Variants in C1QTNF7 observed in about 807,000 individuals in gnomAD.
C1QTNF7 encodes complement C1q tumor necrosis factor-related protein 7.
C1QTNF7 carries 15 observed loss-of-function variants against 19.6 expected under a neutral mutation model. That is an observed-to-expected ratio of 0.76 (90% CI 0.51 to 1.18). The LOEUF (loss-of-function observed/expected upper bound fraction) is 1.18. Ranked by LOEUF, C1QTNF7 falls within the 50% of genes most tolerant of loss-of-function variation. The pLI, the probability that C1QTNF7 is intolerant of heterozygous loss-of-function variation, is 0.00. For synonymous variants in C1QTNF7, 142 were observed against 137.5 expected, an observed-to-expected ratio of 1.03 and a Z score of -0.23; for missense variants, 324 against 359.7, an observed-to-expected ratio of 0.90 and a Z score of 0.80.
chr4:15,407,969 T>C (rs1719252865), intron 1 of C1QTNF7, among the ~76,000 whole-genome samples: 1 of 152,072 alleles, frequency 6.6e-6, no homozygotes, highest in Admixed American at 6.6e-5. Flanking sequence ...TATGTGCGTA[T>C]ATACAGATAA....
intron 2 of C1QTNF7, among the ~76,000 whole-genome samples, chr4:15,441,289 T>C (rs896568929): frequency 6.6e-5 from 10 of 152,206 alleles, no homozygotes; most frequent in African/African-American, 2.4e-4. Context: ...GCTTCCTCAT[T>C]TGCAATGAAA....
chr4:15,394,714 G>A (rs534702510), intron 1 of C1QTNF7, among the ~76,000 whole-genome samples: 34 of 152,126 alleles, frequency 2.2e-4, no homozygotes, highest in Non-Finnish European at 4.0e-4. Context: ...GTTGGATTCC[G>A]ATGGAACTAG....
At chr4:15,354,998 A>C (rs189717822) in intron 1 of C1QTNF7, among the ~76,000 whole-genome samples, 6 of 152,232 alleles carry the variant, frequency 3.9e-5, no homozygotes, top group African/African-American at 1.4e-4. Context: ...TTGGGGGATT[A>C]ATGGGTCCAT....
intron 2 of C1QTNF7, among the ~76,000 whole-genome samples, chr4:15,439,673 G>A (rs920396260): frequency 2.0e-5 from 3 of 152,126 alleles, no homozygotes; most frequent in Non-Finnish European, 4.4e-5. Flanking sequence ...CATAGGTAAA[G>A]TAAAACACAC....
chr4:15,399,303 G>A (rs2192364), intron 1 of C1QTNF7, among the ~76,000 whole-genome samples: 54,467 of 151,902 alleles, frequency 0.36, 10,053 homozygotes, highest in East Asian at 0.54. Context: ...CATTCCTAGT[G>A]GGTGGGTGTG....
At chr4:15,375,557 G>A (rs1288611833) in intron 1 of C1QTNF7, among the ~76,000 whole-genome samples, 4 of 152,192 alleles carry the variant, frequency 2.6e-5, no homozygotes, top group African/African-American at 9.7e-5. Flanking sequence ...CTGGGAAGTA[G>A]TTAAAAGAAA....
At chr4:15,428,990 T>C (rs1437298219) in intron 1 of C1QTNF7, among the ~76,000 whole-genome samples, 1 of 152,228 alleles carries the variant, frequency 6.6e-6, no homozygotes, top group East Asian at 1.9e-4. Flanking sequence ...ACTCAAGTGT[T>C]TGAAGACAAA....
chr4:15,389,289 T>C (rs1216489758), intron 1 of C1QTNF7, among the ~76,000 whole-genome samples: 1 of 152,060 alleles, frequency 6.6e-6, no homozygotes. Flanking sequence ...GAGCCCCCAG[T>C]GGCCTAAAGG....
intron 1 of C1QTNF7, among the ~76,000 whole-genome samples, chr4:15,383,911 G>C (rs1336322594): frequency 1.3e-5 from 2 of 152,212 alleles, no homozygotes; most frequent in African/African-American, 4.8e-5. Context: ...ATTTGTGTAG[G>C]TTAAAAGCAA....
upstream of C1QTNF7, among the ~76,000 whole-genome samples, chr4:15,424,720 C>T (rs901967246): frequency 6.6e-6 from 1 of 152,188 alleles, no homozygotes; most frequent in Non-Finnish European, 1.5e-5. Context: ...CTCTCTTCAA[C>T]CACTAATCTT....
At chr4:15,422,257 TC>T (rs1423675379) in intron 1 of C1QTNF7, among the ~76,000 whole-genome samples, 1 of 151,388 alleles carries the variant, frequency 6.6e-6, no homozygotes, top group African/African-American at 2.4e-5. Context: ...CAAAGGAGCT[TC>T]TTAATCCAGA....
intron 1 of C1QTNF7, among the ~76,000 whole-genome samples, chr4:15,377,390 CAT>C (rs1717980476): frequency 6.6e-6 from 1 of 152,172 alleles, no homozygotes; most frequent in Admixed American, 6.5e-5. Flanking sequence ...AGGTTTCAAT[CAT>C]CAGCAGATGG....
At chr4:15,399,561 A>G (rs1371497315) in intron 1 of C1QTNF7, among the ~76,000 whole-genome samples, 1 of 152,234 alleles carries the variant, frequency 6.6e-6, no homozygotes, top group African/African-American at 2.4e-5. Context: ...GTGTTTTTGC[A>G]TGGAATAAAT....
chr4:15,419,093 G>A (rs1461583871), intron 1 of C1QTNF7, among the ~76,000 whole-genome samples: 2 of 152,192 alleles, frequency 1.3e-5, no homozygotes, highest in Non-Finnish European at 2.9e-5. Context: ...TGGCTGTGGG[G>A]GAACTTACAT....
At chr4:15,373,758 T>C (rs755411453) in intron 1 of C1QTNF7, 1 of 152,194 alleles carries the variant, frequency 6.6e-6, no homozygotes, top group Non-Finnish European at 1.5e-5. Context: ...AGGTAAAATT[T>C]TCTCCATATT....
At chr4:15,421,446 G>A (rs1577273083) in intron 1 of C1QTNF7, among the ~76,000 whole-genome samples, 1 of 152,270 alleles carries the variant, frequency 6.6e-6, no homozygotes, top group African/African-American at 2.4e-5. Context: ...AGTAGCCAAA[G>A]GTCAATGGTA....
chr4:15,418,640 C>A (rs1711570938), intron 1 of C1QTNF7, among the ~76,000 whole-genome samples: 1 of 152,204 alleles, frequency 6.6e-6, no homozygotes, highest in African/African-American at 2.4e-5. Context: ...AACCCCTCTT[C>A]TCCTTTGTAG....
At chr4:15,362,565 G>T (rs1300574026) in intron 1 of C1QTNF7, 2 of 152,160 alleles carry the variant, frequency 1.3e-5, no homozygotes, top group Admixed American at 6.5e-5. Context: ...AAACACCAAA[G>T]GGTTTACAAT....
At chr4:15,408,061 G>T (rs1372271916) in intron 1 of C1QTNF7, among the ~76,000 whole-genome samples, 3 of 152,146 alleles carry the variant, frequency 2.0e-5, no homozygotes, top group Non-Finnish European at 2.9e-5. Context: ...GAGGTCAGGA[G>T]TTCGAGAGCA....
Sources: allele counts gnomAD v4.1 joint callset (sites outside exome capture counted in the v4.1 genomes callset), GRCh38; gene constraint gnomAD v4.1.1; transcripts MANE v1.5; gene names NCBI Gene and HGNC (gene_info 2026-07-23, HGNC 2026-07-21).